Variants in PLXDC2 observed in about 807,000 individuals in gnomAD.
PLXDC2 encodes plexin domain-containing protein 2.
A neutral mutation model predicts 68.9 loss-of-function variants in PLXDC2; 40 were observed. The ratio of observed to expected loss-of-function variants is 0.58; its 90% CI spans 0.45 to 0.76. PLXDC2 has a LOEUF of 0.76. Among genes scored for constraint, PLXDC2 ranks in the 30% least tolerant of loss-of-function variants. PLXDC2 has a pLI of 0.00. For missense variants in PLXDC2, 644 were observed against 661.9 expected (o/e 0.97, Z 0.30); for synonymous variants, 243 against 234.2 (o/e 1.04, Z -0.34).
chr10:19,991,259 A>AG (rs1168934369), intron 1 of PLXDC2, among the ~76,000 whole-genome samples: 63 of 150,250 alleles, frequency 4.2e-4, no homozygotes, highest in African/African-American at 1.5e-3. Flanking sequence ...AAAAAAAAAA[A>AG]CAACAACTGT....
At chr10:20,098,738 T>C (rs1432346106) in intron 4 of PLXDC2, among the ~76,000 whole-genome samples, 1 of 152,146 alleles carries the variant, frequency 6.6e-6, no homozygotes, top group Non-Finnish European at 1.5e-5. Flanking sequence ...TATGGGAGTC[T>C]ATCTCTACAC....
At chr10:19,861,252 C>T (rs891478147) in intron 1 of PLXDC2, among the ~76,000 whole-genome samples, 1 of 151,988 alleles carries the variant, frequency 6.6e-6, no homozygotes, top group Non-Finnish European at 1.5e-5. Context: ...CCAGGCTGGT[C>T]TAGGACTCCT....
At chr10:20,054,194 G>A (rs1337207871) in intron 3 of PLXDC2, among the ~76,000 whole-genome samples, 1 of 151,958 alleles carries the variant, frequency 6.6e-6, no homozygotes, top group Non-Finnish European at 1.5e-5. Flanking sequence ...AAACTGAGTT[G>A]TTAGGATTTT....
chr10:20,102,997 G>T (rs958693800), intron 4 of PLXDC2, among the ~76,000 whole-genome samples: 1 of 152,080 alleles, frequency 6.6e-6, no homozygotes, highest in Non-Finnish European at 1.5e-5. Flanking sequence ...CAATGAGGTG[G>T]GAAGAAAACC....
At chr10:19,822,201 A>T (rs1317031492) in intron 1 of PLXDC2, among the ~76,000 whole-genome samples, 1 of 149,162 alleles carries the variant, frequency 6.7e-6, no homozygotes. Context: ...GTATATATGC[A>T]CTATATATAA....
intron 1 of PLXDC2, among the ~76,000 whole-genome samples, chr10:19,871,378 C>T (rs1274591759): frequency 6.6e-6 from 1 of 152,176 alleles, no homozygotes; most frequent in East Asian, 1.9e-4. Context: ...ACATAGAAGA[C>T]AGACCATAGC....
At chr10:20,079,921 G>A (rs1029253834) in intron 4 of PLXDC2, among the ~76,000 whole-genome samples, 6 of 152,034 alleles carry the variant, frequency 3.9e-5, no homozygotes, top group Non-Finnish European at 5.9e-5. Context: ...TGCACATTCC[G>A]CACATGTATT....
chr10:19,900,450 A>G (rs555640804), intron 1 of PLXDC2, among the ~76,000 whole-genome samples: 4 of 152,244 alleles, frequency 2.6e-5, no homozygotes, highest in African/African-American at 9.6e-5. Flanking sequence ...TAAAAGGAAC[A>G]AAATTTTTCC....
intron 2 of PLXDC2, among the ~76,000 whole-genome samples, chr10:20,039,325 G>A (rs1378373329): frequency 6.6e-6 from 1 of 152,134 alleles, no homozygotes; most frequent in Non-Finnish European, 1.5e-5. Flanking sequence ...AAATTTAGTG[G>A]AGATGTTTAT....
At chr10:20,032,986 G>A (rs1489823218) in intron 2 of PLXDC2, among the ~76,000 whole-genome samples, 1 of 142,374 alleles carries the variant, frequency 7.0e-6, no homozygotes, top group Non-Finnish European at 1.5e-5. Flanking sequence ...TAAACAATGA[G>A]AACACTTGGA....
intron 3 of PLXDC2, among the ~76,000 whole-genome samples, chr10:20,047,932 G>A (rs112319148): frequency 0.018 from 2,698 of 152,148 alleles, 78 homozygotes; most frequent in African/African-American, 0.061. Context: ...ATGTTCTTTG[G>A]TCATCATTTT....
chr10:19,953,268 C>T (rs1259997695), intron 1 of PLXDC2, among the ~76,000 whole-genome samples: 1 of 152,082 alleles, frequency 6.6e-6, no homozygotes, highest in African/African-American at 2.4e-5. Context: ...GCAGTGAGAA[C>T]AGAGTGACCA....
chr10:19,941,809 G>C (rs1206886236), intron 1 of PLXDC2, among the ~76,000 whole-genome samples: 1 of 151,920 alleles, frequency 6.6e-6, no homozygotes, highest in Non-Finnish European at 1.5e-5. Flanking sequence ...CTCTGCTAAC[G>C]TGTTGAGTTC....
At position 19,896,728 on chromosome 10, in the gene PLXDC2, C is replaced by A. The variant is rs145398696; in HGVS notation, c.112+79537C>A. Among the ~76,000 whole-genome samples the A allele has an allele frequency of 3.6e-3, 543 of 152,124 alleles. 1 individual carries two copies. Among genetic ancestry groups the A allele is most frequent in the African/African-American group, 0.012 (505 of 41,492 alleles). On this transcript the variant is annotated intron_variant, in intron 1 of 13. Transcript: ENST00000377252. ...AATTTTGGGCAGAAATTTACAAGTG[C>A]CATTACAGTAAAATAAAATGGCATC...
chr10:19,853,083 AG>A (rs1472742123), intron 1 of PLXDC2, among the ~76,000 whole-genome samples: 2 of 152,216 alleles, frequency 1.3e-5, no homozygotes, highest in Non-Finnish European at 2.9e-5. Context: ...TGCTCAATAA[AG>A]GTTACAGATA....
intron 1 of PLXDC2, among the ~76,000 whole-genome samples, chr10:19,817,829 C>T (rs1315642277): frequency 6.6e-6 from 1 of 152,226 alleles, no homozygotes; most frequent in Non-Finnish European, 1.5e-5. Context: ...TTGTCCTCCG[C>T]CTGCCAGCTT....
intron 1 of PLXDC2, among the ~76,000 whole-genome samples, chr10:19,950,944 A>G (rs2131406563): frequency 6.6e-6 from 1 of 152,326 alleles, no homozygotes; most frequent in South Asian, 2.1e-4. Context: ...GGCTAGGCAT[A>G]TGCAGAAGAA....
At chr10:19,823,681 A>T (rs1225355977) in intron 1 of PLXDC2, among the ~76,000 whole-genome samples, 1 of 151,958 alleles carries the variant, frequency 6.6e-6, no homozygotes, top group East Asian at 1.9e-4. Context: ...AAAAAAAAAA[A>T]AATTCTCATA....
chr10:19,849,902 A>G (rs1035681565), intron 1 of PLXDC2, among the ~76,000 whole-genome samples: 6 of 152,126 alleles, frequency 3.9e-5, no homozygotes, highest in East Asian at 1.9e-4. Context: ...AGATTTTCCA[A>G]AGTTCTTCCT....
Sources: allele counts gnomAD v4.1 joint callset (sites outside exome capture counted in the v4.1 genomes callset), GRCh38; gene constraint gnomAD v4.1.1; transcripts MANE v1.5; gene names NCBI Gene and HGNC (gene_info 2026-07-23, HGNC 2026-07-21).